STAU2: variants seen among roughly 807,000 people sequenced by gnomAD.
STAU2 encodes the protein double-stranded RNA-binding protein Staufen homolog 2.
Under a neutral mutation model 65.9 loss-of-function variants are expected in STAU2, and 20 were observed. The observed-to-expected ratio is 0.30, with a 90% CI of 0.21 to 0.44. The LOEUF (loss-of-function observed/expected upper bound fraction) is 0.44. Among genes scored for constraint, STAU2 ranks in the 20% least tolerant of loss-of-function variants. The pLI is 1.00. For missense variants in STAU2, 558 were observed against 683.9 expected, an observed-to-expected ratio of 0.82 and a Z score of 2.05; for synonymous variants, 232 against 233.9, an observed-to-expected ratio of 0.99 and a Z score of 0.07.
intron 9 of STAU2, among the ~76,000 whole-genome samples, chr8:73,610,508 C>T (rs1261762562): frequency 6.8e-6 from 1 of 146,510 alleles, no homozygotes; most frequent in Non-Finnish European, 1.5e-5. Flanking sequence ...CACTGCACTC[C>T]AGCTTGGGAG....
intron 13 of STAU2, among the ~76,000 whole-genome samples, chr8:73,544,538 T>C (rs932585671): frequency 7.2e-5 from 11 of 152,348 alleles, no homozygotes; most frequent in Middle Eastern, 3.4e-3. Flanking sequence ...CATGCCCTTT[T>C]ATGTCTTCAG....
At chr8:73,530,351 C>A (rs1231057876) in intron 13 of STAU2, among the ~76,000 whole-genome samples, 1 of 152,150 alleles carries the variant, frequency 6.6e-6, no homozygotes, top group Non-Finnish European at 1.5e-5. Flanking sequence ...ACATTTAGGG[C>A]TAGGCTTTCC....
chr8:73,552,604 T>A (rs1398953099), intron 12 of STAU2, among the ~76,000 whole-genome samples: 1 of 152,188 alleles, frequency 6.6e-6, no homozygotes, highest in Admixed American at 6.5e-5. Context: ...GGAAACTGAA[T>A]GTGTGGAAGT....
At chr8:73,464,366 A>G (rs1298573207) in intron 13 of STAU2, among the ~76,000 whole-genome samples, 1 of 152,128 alleles carries the variant, frequency 6.6e-6, no homozygotes, top group African/African-American at 2.4e-5. Context: ...CCTATTCTCT[A>G]TTCTCCTTCA....
chr8:73,548,210 T>C (rs938282832), intron 13 of STAU2, among the ~76,000 whole-genome samples: 5 of 151,300 alleles, frequency 3.3e-5, no homozygotes, highest in African/African-American at 7.3e-5. Flanking sequence ...ATTTACAAAA[T>C]TGTACTTGTA....
At chr8:73,715,451 CA>C (rs35959123) in intron 3 of STAU2, among the ~76,000 whole-genome samples, 26 of 123,816 alleles carry the variant, frequency 2.1e-4, no homozygotes, top group African/African-American at 3.5e-4. Flanking sequence ...GTGAGACTGT[CA>C]AAAAAAAAAA....
In STAU2 at chr8:73,422,706, A is replaced by C; in HGVS notation, c.1531-4T>G. ...GTTTCAAGGCACTTAAGGCTGCCTAAAAATGAAAACAAACAGAGAGAGCCA... is the reference window on the plus strand; with the variant it reads ...GTTTCAAGGCACTTAAGGCTGCCTACAAATGAAAACAAACAGAGAGAGCCA... On this transcript the variant is annotated splice_region_variant and splice_polypyrimidine_tract_variant and intron_variant, in intron 13 of 14. Transcript: ENST00000524300. 6.9e-7 allele frequency: 1 copy of C among 1,456,644 alleles called. No homozygotes were observed. The highest frequency in any genetic ancestry group is 9.0e-7 in the Non-Finnish European group (1 of 1,110,908). 90.2% of individuals were successfully genotyped at this position (1,456,644 alleles called of 1,614,324 possible). A position where few individuals can be genotyped will look rare whatever the true frequency, so the allele number is the denominator to read the frequency against.
At chr8:73,534,619 T>A (rs964773441) in intron 13 of STAU2, among the ~76,000 whole-genome samples, 1 of 152,196 alleles carries the variant, frequency 6.6e-6, no homozygotes, top group Non-Finnish European at 1.5e-5. Context: ...TATCAGATAG[T>A]CTTATAACAC....
At position 73,552,044 on chromosome 8, in the gene STAU2, G is replaced by C; in HGVS notation, c.1498C>G (p.Leu500Val). 6.3e-7 allele frequency: 1 copy of C among 1,581,908 alleles called. No individual in the cohort carries two copies. The highest frequency in any genetic ancestry group is 8.6e-7 in the Non-Finnish European group (1 of 1,164,772). Reference protein sequence around the residue: ...PCSPVQPSKQLEYLARIQGFQ... With the variant: ...PCSPVQPSKQVEYLARIQGFQ... ...CCTTGAATCCTTGCTAAATATTCCA[G>C]TTGTTTTGAAGGTTGTACTGGAGAA... Residue 500 changes from leucine (L) to valine (V), a missense_variant, in exon 13 of 15, where the codon CTG (leucine) becomes GTG (valine). Leu to Val is a conservative substitution (Grantham distance 32). Transcript: ENST00000524300.
intron 6 of STAU2, among the ~76,000 whole-genome samples, chr8:73,667,673 T>C (rs1176142086): frequency 2.0e-5 from 3 of 152,194 alleles, no homozygotes; most frequent in Non-Finnish European, 4.4e-5. Context: ...TTTCCTCTTC[T>C]ACTAAACTTA....
intron 3 of STAU2, among the ~76,000 whole-genome samples, chr8:73,735,896 C>A (rs551532674): frequency 4.7e-4 from 72 of 152,250 alleles, no homozygotes; most frequent in South Asian, 8.3e-4. Context: ...ATGTCTGTGG[C>A]AGAAGATGAA....
chr8:73,731,176 A>G (rs547158153), intron 3 of STAU2, among the ~76,000 whole-genome samples: 100 of 152,306 alleles, frequency 6.6e-4, no homozygotes, highest in African/African-American at 2.2e-3. Flanking sequence ...TCAAGCATCT[A>G]CGAAATCAGA....
At chr8:73,534,016 T>C (rs943302323) in intron 13 of STAU2, among the ~76,000 whole-genome samples, 10 of 152,154 alleles carry the variant, frequency 6.6e-5, no homozygotes, top group African/African-American at 2.4e-4. Flanking sequence ...GAGGAGGGTA[T>C]AAAAAAGACC....
At position 73,709,246 on chromosome 8, in the gene STAU2, T is replaced by C. The variant is rs184554762; in HGVS notation, c.-17-84A>G. ...AACTAGTTTTGACTTTGAAGGTAGATTGTATATTTAAATTATTTTCATGAA... is the reference window on the plus strand; with the variant it reads ...AACTAGTTTTGACTTTGAAGGTAGACTGTATATTTAAATTATTTTCATGAA... On this transcript the variant is annotated intron_variant, in intron 3 of 14. Coordinates refer to ENST00000524300, the MANE Select transcript of STAU2 (RefSeq NM_001164380.2). The C allele has an allele frequency of 5.9e-5, 66 of 1,125,946 alleles. No individual in the cohort carries two copies. In the African/African-American group the frequency reaches 9.9e-4, roughly 17 times the overall value. 69.7% of individuals were successfully genotyped at this position (1,125,946 alleles called of 1,614,324 possible). A position where few individuals can be genotyped will look rare whatever the true frequency, so the allele number is the denominator to read the frequency against.
At chr8:73,591,132 T>C (rs574332182) in intron 11 of STAU2, among the ~76,000 whole-genome samples, 1 of 152,274 alleles carries the variant, frequency 6.6e-6, no homozygotes, top group African/African-American at 2.4e-5. Context: ...ATAAAAGGCA[T>C]TTTCTGCTGA....
At chr8:73,650,527 C>T (rs1815782001) in intron 6 of STAU2, among the ~76,000 whole-genome samples, 1 of 152,064 alleles carries the variant, frequency 6.6e-6, no homozygotes, top group African/African-American at 2.4e-5. Context: ...AGTCACTCAT[C>T]TATATCAAAC....
chr8:73,449,176 A>C (rs982924348), intron 13 of STAU2, among the ~76,000 whole-genome samples: 42 of 152,352 alleles, frequency 2.8e-4, no homozygotes, highest in African/African-American at 9.1e-4. Flanking sequence ...GTTAGGCCGC[A>C]AGCATCTGCT....
intron 3 of STAU2, among the ~76,000 whole-genome samples, chr8:73,711,151 A>C (rs922522808): frequency 2.7e-5 from 4 of 150,510 alleles, no homozygotes; most frequent in Non-Finnish European, 4.4e-5. Context: ...AAAAAAAAAA[A>C]AAAAAACTAG....
chr8:73,714,490 T>C (rs1243898248), intron 3 of STAU2, among the ~76,000 whole-genome samples: 3 of 152,120 alleles, frequency 2.0e-5, no homozygotes, highest in African/African-American at 7.2e-5. Flanking sequence ...AGTCTGTCCA[T>C]TAGGAAAAAA....
Sources: allele counts gnomAD v4.1 joint callset (sites outside exome capture counted in the v4.1 genomes callset), GRCh38; gene constraint gnomAD v4.1.1; transcripts MANE v1.5; gene names NCBI Gene and HGNC (gene_info 2026-07-23, HGNC 2026-07-21).